Variants in ZFHX3 observed in about 807,000 individuals in gnomAD.
ZFHX3 encodes zinc finger homeobox protein 3.
Under a neutral mutation model 279.1 loss-of-function variants are expected in ZFHX3, and 42 were observed. The ratio of observed to expected loss-of-function variants is 0.15; its 90% CI spans 0.12 to 0.19. ZFHX3 has a LOEUF of 0.19. ZFHX3 is among the 10% of genes least tolerant of loss of function. The pLI is 1.00. For synonymous variants in ZFHX3, 2,293 were observed against 1,957.8 expected (o/e 1.17, Z -4.52); for missense variants, 4,981 against 4,754.0 (o/e 1.05, Z -1.40).
At chr16:73,611,868 T>C (rs906077783) in intron 2 of ZFHX3, among the ~76,000 whole-genome samples, 7 of 152,338 alleles carry the variant, frequency 4.6e-5, no homozygotes, top group Admixed American at 4.6e-4. Context: ...TCTTTCTAAA[T>C]ATTTTAAATC....
intron 3 of ZFHX3, among the ~76,000 whole-genome samples, chr16:73,372,441 T>C (rs561509470): frequency 1.1e-4 from 16 of 152,352 alleles, no homozygotes; most frequent in African/African-American, 3.8e-4. Context: ...AGAAAACGTA[T>C]TTGAATTCCC....
At chr16:73,692,548 G>A (rs147088577) in intron 1 of ZFHX3, among the ~76,000 whole-genome samples, 12 of 152,162 alleles carry the variant, frequency 7.9e-5, no homozygotes, top group African/African-American at 2.7e-4. Flanking sequence ...CAGTAACAAA[G>A]GTTGCCTCTG....
At chr16:73,306,025 A>G (rs1019503885) in intron 4 of ZFHX3, among the ~76,000 whole-genome samples, 5 of 152,218 alleles carry the variant, frequency 3.3e-5, no homozygotes, top group African/African-American at 4.8e-5. Context: ...GGAACCCGCA[A>G]GTCTGCATTT....
At chr16:72,870,910 T>C (rs1567556704) in intron 4 of ZFHX3, among the ~76,000 whole-genome samples, 1 of 152,150 alleles carries the variant, frequency 6.6e-6, no homozygotes, top group East Asian at 1.9e-4. Flanking sequence ...ATATCTTTGT[T>C]CTTAGGAAAT....
intron 3 of ZFHX3, among the ~76,000 whole-genome samples, chr16:73,399,196 G>A (rs745505785): frequency 3.3e-5 from 5 of 152,080 alleles, no homozygotes; most frequent in Non-Finnish European, 7.4e-5. Context: ...ATCTTAAGCA[G>A]CCCTACAAAA....
chr16:73,638,854 T>A (rs2052550124), intron 2 of ZFHX3, among the ~76,000 whole-genome samples: 1 of 152,180 alleles, frequency 6.6e-6, no homozygotes, highest in African/African-American at 2.4e-5. Flanking sequence ...AATATCTATG[T>A]TCCAAAACAC....
chr16:72,987,112 G>C lies in ZFHX3; in HGVS notation c.-49-26918C>G, dbSNP rs148514717. Among the ~76,000 whole-genome samples the C allele has an allele frequency of 7.8e-3, 1,193 of 152,248 alleles. 14 individuals carry two copies. Among genetic ancestry groups the C allele is most frequent in the African/African-American group, 0.027 (1,132 of 41,548 alleles). Reference sequence around the variant, plus strand: ...GGCTGCAGTGAGTTGTGGGAGCTGTGATCCAGCCACTACACGCCAGCCTGG... The same window carrying C: ...GGCTGCAGTGAGTTGTGGGAGCTGTCATCCAGCCACTACACGCCAGCCTGG... On this transcript the variant is annotated intron_variant, in intron 1 of 9. Coordinates refer to ENST00000268489, the MANE Select transcript of ZFHX3 (RefSeq NM_006885.4).
At chr16:73,203,024 A>G (rs1378429673) in intron 5 of ZFHX3, among the ~76,000 whole-genome samples, 1 of 150,716 alleles carries the variant, frequency 6.6e-6, no homozygotes, top group South Asian at 2.1e-4. Context: ...ATTTAGCTGA[A>G]GCATCACCTC....
intron 1 of ZFHX3, among the ~76,000 whole-genome samples, chr16:73,748,154 A>G (rs775039894): frequency 6.6e-6 from 1 of 152,214 alleles, no homozygotes; most frequent in Non-Finnish European, 1.5e-5. Flanking sequence ...GGGATTTTTC[A>G]TCAATGAAAT....
chr16:73,111,996 G>A (rs923213830), intron 7 of ZFHX3, among the ~76,000 whole-genome samples: 1 of 152,114 alleles, frequency 6.6e-6, no homozygotes, highest in African/African-American at 2.4e-5. Flanking sequence ...CTTTAGAGGG[G>A]ACTGGAGAAC....
At chr16:73,779,933 G>T (rs1959397418) in intron 1 of ZFHX3, among the ~76,000 whole-genome samples, 1 of 151,536 alleles carries the variant, frequency 6.6e-6, no homozygotes. Flanking sequence ...TGGCCAGGAT[G>T]GTTTTGATCT....
Position 73,726,465 on chromosome 16 carries a change from G to C in ZFHX3, c.-1607-46225C>G, listed in dbSNP as rs117163964. Among the ~76,000 whole-genome samples, 1,103 of 152,274 alleles carry C rather than the reference G, an allele frequency of 7.2e-3. 5 individuals are homozygous for C. Among genetic ancestry groups the C allele is most frequent in the Non-Finnish European group, 0.012 (787 of 68,032 alleles). On this transcript the variant is annotated intron_variant, in intron 1 of 17. Coordinates refer to the ZFHX3 transcript ENST00000641206. Reference sequence around the variant, plus strand: ...GGATTGTCCTATGCACTGGGGGTTTGTCCTACGCATTGTAGGATGTTTAAA... The same window carrying C: ...GGATTGTCCTATGCACTGGGGGTTTCTCCTACGCATTGTAGGATGTTTAAA...
intron 4 of ZFHX3, among the ~76,000 whole-genome samples, chr16:73,274,506 A>G (rs1357479402): frequency 6.6e-6 from 1 of 152,052 alleles, no homozygotes; most frequent in Non-Finnish European, 1.5e-5. Context: ...TCTTTGATCC[A>G]TTTGGAATTT....
intron 1 of ZFHX3, among the ~76,000 whole-genome samples, chr16:73,009,097 C>G (rs1444571850): frequency 2.0e-5 from 3 of 152,118 alleles, no homozygotes; most frequent in Admixed American, 6.5e-5. Flanking sequence ...TCTTGTAGAT[C>G]TTGCCTGCTA....
At chr16:73,102,214 T>C (rs1966240650) in intron 7 of ZFHX3, among the ~76,000 whole-genome samples, 1 of 152,132 alleles carries the variant, frequency 6.6e-6, no homozygotes, top group East Asian at 1.9e-4. Flanking sequence ...GTGCCTGGCC[T>C]CTTCCATCCT....
At chr16:73,807,838 T>C (rs1038427188) in intron 1 of ZFHX3, among the ~76,000 whole-genome samples, 1 of 151,960 alleles carries the variant, frequency 6.6e-6, no homozygotes, top group Non-Finnish European at 1.5e-5. Context: ...CTAATGTCTT[T>C]TTTTTCCAAC....
intron 4 of ZFHX3, among the ~76,000 whole-genome samples, chr16:73,305,207 G>A (rs1374252311): frequency 7.9e-5 from 12 of 152,134 alleles, no homozygotes; most frequent in Admixed American, 7.9e-4. Context: ...GGTGTAAGCT[G>A]GGCAATTTCA....
chr16:73,656,527 T>G (rs546387041), intron 2 of ZFHX3, among the ~76,000 whole-genome samples: 2 of 152,248 alleles, frequency 1.3e-5, no homozygotes, highest in East Asian at 3.9e-4. Flanking sequence ...CAAAGGGAAT[T>G]GGGAGCTAAC....
intron 3 of ZFHX3, among the ~76,000 whole-genome samples, chr16:73,362,042 C>T (rs28548182): frequency 0.05 from 7,662 of 152,236 alleles, 574 homozygotes; most frequent in African/African-American, 0.17. Flanking sequence ...TGGAGAAGAA[C>T]TCCATCTGGG....
Sources: gnomAD v4.1 joint callset for allele counts (sites outside exome capture counted in the v4.1 genomes callset) on GRCh38, gnomAD v4.1.1 for gene constraint, MANE v1.5 for transcripts, NCBI Gene and HGNC (gene_info 2026-07-23, HGNC 2026-07-21) for gene names.